The following AMOT variants were observed in gnomAD, a reference collection of about 807,000 sequenced individuals.
AMOT encodes the protein angiomotin.
In AMOT, 11 loss-of-function variants were observed where a neutral mutation model predicts 67.0. The ratio of observed to expected loss-of-function variants is 0.16; its 90% confidence interval spans 0.10 to 0.27. The LOEUF is 0.27. Ranked by LOEUF, AMOT falls within the 10% of genes least tolerant of loss-of-function variation. The pLI is 1.00. For synonymous variants in AMOT, 326 were observed against 321.4 expected (o/e 1.01, Z -0.15); for missense variants, 753 against 852.0 (o/e 0.88, Z 1.45).
Position 112,776,525 on chromosome X carries a change from C to T in AMOT, c.*2042G>A, listed in dbSNP as rs1049506332. On this transcript the variant is annotated 3_prime_UTR_variant, in exon 14 of 14. Transcript: ENST00000371959. Reference sequence around the variant, plus strand: ...CCTCATTATTGAAAATGTGAAAGGACTAGCTGAAAATCACATCACCCTCCT... The same window carrying T: ...CCTCATTATTGAAAATGTGAAAGGATTAGCTGAAAATCACATCACCCTCCT... 2 of 111,613 alleles carry T rather than the reference C, an allele frequency of 1.8e-5. No homozygotes were observed. The highest frequency in any genetic ancestry group is 3.8e-5 in the Non-Finnish European group (2 of 53,069). 9.2% of individuals were successfully genotyped at this position (111,613 alleles called of 1,213,427 possible).
At chrX:112,831,825 T>C (rs1381098136) in intron 2 of AMOT, among the ~76,000 whole-genome samples, 2 of 86,925 alleles carry the variant, frequency 2.3e-5, no homozygotes, top group African/African-American at 1.5e-4. Context: ...CATGGACTTC[T>C]GGGGAAAAAA....
intron 8 of AMOT, among the ~76,000 whole-genome samples, chrX:112,800,260 TAAAAA>T (rs1933970827): frequency 9.3e-6 from 1 of 107,860 alleles, no homozygotes; most frequent in African/African-American, 3.4e-5. Flanking sequence ...AAATAAAAAA[TAAAAA>T]GAGAACAAAA....
intron 2 of AMOT, among the ~76,000 whole-genome samples, chrX:112,830,145 C>T (rs1345137992): frequency 1.8e-5 from 2 of 111,878 alleles, no homozygotes; most frequent in East Asian, 5.6e-4. Flanking sequence ...ATAATCCAAG[C>T]ACCTCAACTT....
At chrX:112,819,007 G>A (rs111933999) in intron 4 of AMOT, among the ~76,000 whole-genome samples, 1,527 of 111,011 alleles carry the variant, frequency 0.014, 18 homozygotes, top group African/African-American at 0.048. Flanking sequence ...TAGCATACAT[G>A]CAGGACAAAG....
At chrX:112,814,838 A>C (rs1277675706) in intron 5 of AMOT, among the ~76,000 whole-genome samples, 1 of 111,965 alleles carries the variant, frequency 8.9e-6, no homozygotes, top group Non-Finnish European at 1.9e-5. Context: ...GTTGAAAGAG[A>C]GTTACTATGA....
intron 8 of AMOT, 134 bp downstream of exon 8, chrX:112,804,804 GCACAGTGGA>G (rs1228738641): frequency 1.2e-6 from 1 of 811,327 alleles, no homozygotes; most frequent in Non-Finnish European, 1.7e-6. Flanking sequence ...ACTCACATCA[GCACAGTGGA>G]AACTAGGAGC....
Position 112,776,669 on chromosome X carries a change from C to G in AMOT, c.*1898G>C, listed in dbSNP as rs1932947822. On this transcript the variant is annotated 3_prime_UTR_variant, in exon 14 of 14. Coordinates refer to ENST00000371959, the MANE Select transcript of AMOT (RefSeq NM_001113490.2). ...CAAAAGATTATCTAAGATACCCAATCTCCTAGAAAGAAGTGGGATTGGTTT... is the reference window on the plus strand; with the variant it reads ...CAAAAGATTATCTAAGATACCCAATGTCCTAGAAAGAAGTGGGATTGGTTT... The G allele has an allele frequency of 9.0e-6, 1 of 111,689 alleles. No individual in the cohort carries two copies. Among genetic ancestry groups the G allele is most frequent in the African/African-American group, 3.3e-5 (1 of 30,625 alleles). The allele number at this position is 111,689 out of a possible 1,213,427, so 9.2% of individuals were successfully genotyped here.
Position 112,781,122 on chromosome X carries a change from G to T in AMOT, c.2241-4C>A. On this transcript the variant is annotated splice_region_variant and splice_polypyrimidine_tract_variant and intron_variant, in intron 11 of 13. Coordinates refer to ENST00000371959, the MANE Select transcript of AMOT (RefSeq NM_001113490.2). Reference sequence around the variant, plus strand: ...CTGGGCATGGAGGGTCTTAATCCTAGGAGCCAAAGGCAAAGAACATATAAA... The same window carrying T: ...CTGGGCATGGAGGGTCTTAATCCTATGAGCCAAAGGCAAAGAACATATAAA... 1 of 1,203,366 alleles carries T rather than the reference G, an allele frequency of 8.3e-7. No individual in the cohort carries two copies. Among genetic ancestry groups the T allele is most frequent in the Non-Finnish European group, 1.1e-6 (1 of 888,157 alleles).
At chrX:112,835,962 T>G (rs1352497396) in intron 1 of AMOT, among the ~76,000 whole-genome samples, 1 of 112,155 alleles carries the variant, frequency 8.9e-6, no homozygotes, top group Non-Finnish European at 1.9e-5. Context: ...GAAATTTGAC[T>G]ACATGGTGAA....
intron 8 of AMOT, 43 bp downstream of exon 8, chrX:112,804,903 GC>G: frequency 2.6e-6 from 1 of 380,707 alleles, no homozygotes; most frequent in Non-Finnish European, 5.1e-6. Flanking sequence ...CGATTTCCCA[GC>G]CCTCCCACCC....
At chrX:112,786,673 C>T (rs1400587438) in intron 10 of AMOT, among the ~76,000 whole-genome samples, 1 of 112,114 alleles carries the variant, frequency 8.9e-6, no homozygotes, top group Non-Finnish European at 1.9e-5. Context: ...ATTTTACCAT[C>T]TTTGAGCTAC....
chrX:112,799,108 T>C (rs1356616144), intron 8 of AMOT, among the ~76,000 whole-genome samples: 1 of 112,231 alleles, frequency 8.9e-6, no homozygotes, highest in Non-Finnish European at 1.9e-5. Context: ...TATTCACTAG[T>C]GGACAAAGAA....
Position 112,822,834 on chromosome X carries a change from G to A in AMOT, c.293C>T (p.Pro98Leu), listed in dbSNP as rs911089645. The change falls in exon 4 of 14, where the codon CCT (proline) becomes CTT (leucine). Residue 98 changes from proline (P) to leucine (L), a missense_variant. Physicochemically the swap from Pro to Leu is moderately conservative, Grantham distance 98. Transcript: ENST00000371959. ...GAGTTCTTCATTATTTTGCATTCGA[G>A]GAGACAGCTGCTTCTCCATGATGAG... ...ENLIMEKQLS[P>L]RMQNNEELPT... 8.6e-7 allele frequency: 1 copy of A among 1,167,580 alleles called. No individual in the cohort carries two copies.
At chrX:112,781,151 C>T (rs772330963) in intron 11 of AMOT, 33 bp from the exon 12 acceptor site, 1 of 1,172,835 alleles carries the variant, frequency 8.5e-7, no homozygotes, top group South Asian at 1.8e-5. Context: ...ATATAAAGAC[C>T]TTGTTGTGGG....
At chrX:112,799,917 T>C (rs1021377650) in intron 8 of AMOT, among the ~76,000 whole-genome samples, 1 of 111,800 alleles carries the variant, frequency 8.9e-6, no homozygotes, top group East Asian at 2.8e-4. Context: ...TTGTAACACA[T>C]TGGGTGGAAA....
intron 8 of AMOT, among the ~76,000 whole-genome samples, chrX:112,799,182 T>G (rs1027949334): frequency 6.2e-5 from 7 of 112,424 alleles, no homozygotes; most frequent in African/African-American, 2.3e-4. Flanking sequence ...ACTGACTGTA[T>G]CACCTAATCT....
At chrX:112,790,539 A>G in intron 10 of AMOT, 53 bp downstream of exon 10, 1 of 1,089,535 alleles carries the variant, frequency 9.2e-7, no homozygotes, top group South Asian at 2.4e-5. Context: ...AAAATCTATG[A>G]ATCAGTGACC....
intron 6 of AMOT, 116 bp from the exon 7 acceptor site, chrX:112,810,102 G>T: frequency 1.8e-6 from 1 of 551,692 alleles, no homozygotes; most frequent in African/African-American, 2.3e-5. Flanking sequence ...TGTTAAACAG[G>T]AATGGGTGAC....
At chrX:112,822,169 G>T in intron 4 of AMOT, 86 bp downstream of exon 4, 2 of 1,047,303 alleles carry the variant, frequency 1.9e-6, no homozygotes, top group Non-Finnish European at 2.5e-6. Flanking sequence ...TCAAACACCT[G>T]CCCGTTCCTT....
Sources: gnomAD v4.1 joint callset for allele counts (sites outside exome capture counted in the v4.1 genomes callset) on GRCh38, gnomAD v4.1.1 for gene constraint, MANE v1.5 for transcripts, NCBI Gene and HGNC (gene_info 2026-07-23, HGNC 2026-07-21) for gene names.